Variants in SBF2 observed in about 807,000 individuals in gnomAD.
SBF2 encodes SET binding factor 2, also known as myotubularin-related protein 13.
Under a neutral mutation model 225.2 loss-of-function variants are expected in SBF2, and 112 were observed. The observed-to-expected ratio is 0.50, with a 90% confidence interval of 0.43 to 0.58. SBF2 has a LOEUF of 0.58. Ranked by LOEUF, SBF2 falls within the 20% of genes least tolerant of loss-of-function variation. The pLI is 0.00. For synonymous variants in SBF2, 763 were observed against 773.3 expected, an observed-to-expected ratio of 0.99 and a Z score of 0.22; for missense variants, 1,996 against 2,206.2, an observed-to-expected ratio of 0.90 and a Z score of 1.91.
intron 2 of SBF2, among the ~76,000 whole-genome samples, chr11:10,083,298 T>C (rs144707887): frequency 1.2e-3 from 178 of 152,266 alleles, no homozygotes; most frequent in African/African-American, 3.8e-3. Flanking sequence ...ATTAAAACAA[T>C]GATGCTGACA....
At chr11:10,166,588 A>G (rs1955959818) in intron 2 of SBF2, among the ~76,000 whole-genome samples, 1 of 152,358 alleles carries the variant, frequency 6.6e-6, no homozygotes, top group Non-Finnish European at 1.5e-5. Context: ...TTGTGTTAAA[A>G]GAACAAATCC....
At chr11:9,905,508 C>T (rs1300041875) in intron 16 of SBF2, among the ~76,000 whole-genome samples, 5 of 152,172 alleles carry the variant, frequency 3.3e-5, no homozygotes, top group African/African-American at 9.7e-5. Flanking sequence ...CATGCTGTAG[C>T]TAATGAACTC....
intron 16 of SBF2, among the ~76,000 whole-genome samples, chr11:9,953,923 T>G (rs1866003967): frequency 1.3e-5 from 2 of 152,152 alleles, no homozygotes; most frequent in South Asian, 4.1e-4. Flanking sequence ...AAATTATAAT[T>G]TATTTTTAAA....
intron 2 of SBF2, among the ~76,000 whole-genome samples, chr11:10,089,784 T>C (rs1225100630): frequency 6.6e-6 from 1 of 152,176 alleles, no homozygotes; most frequent in African/African-American, 2.4e-5. Flanking sequence ...GGCATTTACT[T>C]AAAAATATAT....
intron 1 of SBF2, among the ~76,000 whole-genome samples, chr11:10,246,752 A>G (rs1959835280): frequency 6.6e-6 from 1 of 152,246 alleles, no homozygotes; most frequent in Non-Finnish European, 1.5e-5. Context: ...AGATGGCTTC[A>G]CCACTTAATT....
intron 6 of SBF2, among the ~76,000 whole-genome samples, chr11:10,009,812 G>A (rs1159125950): frequency 6.6e-6 from 1 of 152,180 alleles, no homozygotes; most frequent in Admixed American, 6.5e-5. Context: ...TCTGGTTCTA[G>A]ATACTGGAGG....
At chr11:10,020,383 G>A (rs1386192766) in intron 6 of SBF2, among the ~76,000 whole-genome samples, 1 of 152,136 alleles carries the variant, frequency 6.6e-6, no homozygotes, top group African/African-American at 2.4e-5. Context: ...AGGCCACTGT[G>A]TATGCAGAGA....
chr11:10,028,304 C>A, intron 6 of SBF2, 148 bp downstream of exon 6: 1 of 623,622 alleles, frequency 1.6e-6, no homozygotes, highest in Non-Finnish European at 2.8e-6. Context: ...AAGATCAGGA[C>A]CCACAAAATT....
intron 3 of SBF2, among the ~76,000 whole-genome samples, chr11:10,037,831 T>C (rs899509883): frequency 1.3e-5 from 2 of 151,946 alleles, no homozygotes; most frequent in Non-Finnish European, 2.9e-5. Flanking sequence ...CTATACACTG[T>C]TTTGTGTGTG....
intron 29 of SBF2, among the ~76,000 whole-genome samples, 169 bp downstream of exon 29, chr11:9,816,671 A>T (rs1476443351): frequency 6.6e-6 from 1 of 151,896 alleles, no homozygotes; most frequent in African/African-American, 2.4e-5. Flanking sequence ...TATAAAAATT[A>T]ATATATATAA....
At position 9,781,485 on chromosome 11, in the gene SBF2, AAG is replaced by A. The variant is rs1243858457; in HGVS notation, c.5451+20_5451+21del. 1 of 1,614,070 alleles carries A rather than the reference AAG, an allele frequency of 6.2e-7. No individual in the cohort carries two copies. Among genetic ancestry groups the A allele is most frequent in the Admixed American group, 1.7e-5 (1 of 60,028 alleles). ...AATGATGTGCAGACAGAGCCAGGAA[AAG>A]AGAAGTAAGATCAACTTACATCAAA... On this transcript the variant is annotated intron_variant, in intron 39 of 39. Coordinates refer to ENST00000256190, the MANE Select transcript of SBF2 (RefSeq NM_030962.4).
At chr11:9,781,475 G>A (rs1852001784) in intron 39 of SBF2, 32 bp downstream of exon 39, 2 of 1,613,876 alleles carry the variant, frequency 1.2e-6, no homozygotes, top group Non-Finnish European at 8.5e-7. Context: ...TGTGCAGACA[G>A]AGCCAGGAAA....
intron 13 of SBF2, among the ~76,000 whole-genome samples, chr11:9,976,889 C>T (rs1269946806): frequency 4.6e-5 from 7 of 151,958 alleles, no homozygotes; most frequent in Admixed American, 2.0e-4. Context: ...CTGCCTCAGC[C>T]TCTCCGAGTA....
intron 2 of SBF2, among the ~76,000 whole-genome samples, chr11:10,088,319 C>T (rs938791667): frequency 2.0e-5 from 3 of 152,168 alleles, no homozygotes; most frequent in Non-Finnish European, 2.9e-5. Flanking sequence ...GCCACCATGC[C>T]CAGCCCTCTG....
At chr11:10,056,716 C>G (rs748030267) in intron 2 of SBF2, among the ~76,000 whole-genome samples, 8 of 152,160 alleles carry the variant, frequency 5.3e-5, no homozygotes, top group Non-Finnish European at 1.2e-4. Context: ...ACCTCCCAAC[C>G]AGGGCCTCCA....
intron 6 of SBF2, among the ~76,000 whole-genome samples, chr11:10,012,670 T>A (rs898976501): frequency 6.6e-6 from 1 of 152,196 alleles, no homozygotes; most frequent in Non-Finnish European, 1.5e-5. Flanking sequence ...TATTTTTTTT[T>A]CCCCTGAGTA....
At chr11:10,116,244 T>C (rs1284834509) in intron 2 of SBF2, among the ~76,000 whole-genome samples, 1 of 152,230 alleles carries the variant, frequency 6.6e-6, no homozygotes, top group Non-Finnish European at 1.5e-5. Context: ...TTGTATGTCA[T>C]TGTGACTGAA....
At chr11:10,189,654 G>T (rs1032979471) in intron 2 of SBF2, among the ~76,000 whole-genome samples, 1 of 152,056 alleles carries the variant, frequency 6.6e-6, no homozygotes, top group East Asian at 1.9e-4. Flanking sequence ...AACCAATTTC[G>T]TAAGAACATT....
intron 6 of SBF2, among the ~76,000 whole-genome samples, chr11:10,013,586 CTT>C (rs774184383): frequency 1.3e-5 from 2 of 152,188 alleles, no homozygotes; most frequent in Non-Finnish European, 2.9e-5. Context: ...TTTGTACTGT[CTT>C]TGGTGATGTT....
Sources: allele counts gnomAD v4.1 joint callset (sites outside exome capture counted in the v4.1 genomes callset), GRCh38; gene constraint gnomAD v4.1.1; transcripts MANE v1.5; gene names NCBI Gene and HGNC (gene_info 2026-07-23, HGNC 2026-07-21).